Variants in ZDHHC17 observed in about 807,000 individuals in gnomAD.
ZDHHC17 encodes the protein palmitoyltransferase ZDHHC17.
A neutral mutation model predicts 90.3 loss-of-function variants in ZDHHC17; 40 were observed. The observed-to-expected ratio is 0.44, with a 90% confidence interval of 0.34 to 0.58. ZDHHC17 has a LOEUF of 0.58. ZDHHC17 is among the 20% of genes least tolerant of loss of function. The pLI is 0.01. For synonymous variants in ZDHHC17, 235 were observed against 252.4 expected (o/e 0.93, Z 0.65); for missense variants, 614 against 780.8 (o/e 0.79, Z 2.55).
chr12:76,807,295 A>G (rs1316536972), intron 3 of ZDHHC17, among the ~76,000 whole-genome samples: 2 of 152,196 alleles, frequency 1.3e-5, no homozygotes, highest in East Asian at 1.9e-4. Context: ...GCGGGAATAT[A>G]TGCTAGAAAA....
chr12:76,815,742 A>G (rs1391647481), intron 6 of ZDHHC17, 115 bp from the exon 7 acceptor site: 2 of 1,103,840 alleles, frequency 1.8e-6, no homozygotes, highest in African/African-American at 3.3e-5. Context: ...GTAGGTTAGA[A>G]GTGTTCCAAA....
chr12:76,851,689 GTT>G lies in ZDHHC17; in HGVS notation c.*710_*711del, dbSNP rs1219046444. The G allele has an allele frequency of 6.6e-6, 1 of 152,578 alleles. No homozygotes were observed. Among genetic ancestry groups the G allele is most frequent in the Non-Finnish European group, 1.5e-5 (1 of 68,034 alleles). 9.5% of individuals were successfully genotyped at this position (152,578 alleles called of 1,614,324 possible). On this transcript the variant is annotated 3_prime_UTR_variant, in exon 17 of 17. Transcript: ENST00000426126. ...CACTTGCATGAGTATAGTAAGTCAT[GTT>G]TTTTTGTTCAAATTTAAAAGCCCTG... is the stretch of plus-strand genomic sequence containing the variant.
chr12:76,807,814 G>A (rs117124153), intron 3 of ZDHHC17, among the ~76,000 whole-genome samples: 1 of 152,104 alleles, frequency 6.6e-6, no homozygotes, highest in Non-Finnish European at 1.5e-5. Flanking sequence ...TTCTAGTTAC[G>A]ATTTTTAATA....
intron 14 of ZDHHC17, among the ~76,000 whole-genome samples, chr12:76,847,745 C>CTA (rs1232763200): frequency 2.6e-5 from 4 of 152,096 alleles, no homozygotes; most frequent in Non-Finnish European, 4.4e-5. Context: ...GTAGTCCCAG[C>CTA]TACTCAGGTG....
intron 1 of ZDHHC17, among the ~76,000 whole-genome samples, chr12:76,787,118 G>A (rs7137216): frequency 0.017 from 2,537 of 152,240 alleles, 38 homozygotes; most frequent in Middle Eastern, 0.061. Flanking sequence ...TTCCAGAGTC[G>A]TTTTATGTCT....
chr12:76,832,761 A>C (rs2137792336), intron 10 of ZDHHC17, among the ~76,000 whole-genome samples: 1 of 152,020 alleles, frequency 6.6e-6, no homozygotes, highest in South Asian at 2.1e-4. Context: ...TTTAAACGGC[A>C]AAATCTACAC....
At position 76,827,012 on chromosome 12, in the gene ZDHHC17, G is replaced by A. The variant is rs1953237552; in HGVS notation, c.1002G>A (p.Met334Ile). The change falls in exon 9 of 17, where the codon ATG becomes ATA. Residue 334 changes from methionine to isoleucine, a missense_variant. Transcript: ENST00000426126. The stretch of plus-strand genomic sequence containing the variant: ...ATTCTTGGCTCATTAAAGGGCTAAT[G>A]TATGGTGGTGTTTGGGCTACAGTAC... ...NIDSWLIKGLMYGGVWATVQF... is the reference protein window; with the variant it reads ...NIDSWLIKGLIYGGVWATVQF... 1.3e-6 allele frequency: 2 copies of A among 1,566,266 alleles called. No individual in the cohort carries two copies. Among genetic ancestry groups the A allele is most frequent in the African/African-American group, 2.8e-5 (2 of 71,878 alleles).
At chr12:76,802,158 A>G (rs1952899114) in intron 2 of ZDHHC17, among the ~76,000 whole-genome samples, 1 of 152,194 alleles carries the variant, frequency 6.6e-6, no homozygotes, top group South Asian at 2.1e-4. Flanking sequence ...AGATTCTCTC[A>G]GTCATTATTT....
intron 5 of ZDHHC17, among the ~76,000 whole-genome samples, chr12:76,813,953 G>A (rs1953054412): frequency 6.6e-6 from 1 of 152,044 alleles, no homozygotes; most frequent in Non-Finnish European, 1.5e-5. Flanking sequence ...CTAAAGCCAA[G>A]CCTAGAAAAG....
At chr12:76,831,309 T>G (rs1953297908) in intron 10 of ZDHHC17, among the ~76,000 whole-genome samples, 1 of 152,226 alleles carries the variant, frequency 6.6e-6, no homozygotes, top group South Asian at 2.1e-4. Context: ...CACAATTTTT[T>G]TTTGTTTTTA....
chr12:76,813,539 A>C, intron 5 of ZDHHC17: 1 of 288,626 alleles, frequency 3.5e-6, no homozygotes, highest in Admixed American at 5.0e-5. Context: ...ATGCTTAGAT[A>C]ATGTTCACAT....
chr12:76,831,343 T>G lies in ZDHHC17; in HGVS notation c.1141+2853T>G, dbSNP rs1953298707. Among the ~76,000 whole-genome samples, 4 of 151,726 alleles carry G rather than the reference T, an allele frequency of 2.6e-5. No individual in the cohort carries two copies. The South Asian group carries it at 8.3e-4, about 32-fold the overall frequency. On this transcript the variant is annotated intron_variant, in intron 10 of 16. Transcript: ENST00000426126. ...TATTGTCTGTTTTTGTGTTGGGTTT[T>G]GTTTTGTTTTGTTTTGTTTTATTTT...
intron 4 of ZDHHC17, 38 bp from the exon 5 acceptor site, chr12:76,809,675 A>C: frequency 1.5e-6 from 2 of 1,362,120 alleles, no homozygotes; most frequent in Non-Finnish European, 1.9e-6. Context: ...GTTTGAAATA[A>C]CTTTATATAT....
intron 12 of ZDHHC17, chr12:76,845,234 G>A (rs917300110): frequency 6.6e-6 from 1 of 152,076 alleles, no homozygotes; most frequent in Non-Finnish European, 1.5e-5. Flanking sequence ...TTTTATTGAT[G>A]ATTTTGAATT....
chr12:76,840,908 A>G (rs1421004453), intron 10 of ZDHHC17: 1 of 152,182 alleles, frequency 6.6e-6, no homozygotes, highest in African/African-American at 2.4e-5. Context: ...GTGATAAATA[A>G]AAGTGCTGCC....
intron 7 of ZDHHC17, among the ~76,000 whole-genome samples, chr12:76,816,938 GTCT>G (rs1403529533): frequency 9.9e-5 from 15 of 151,934 alleles, no homozygotes; most frequent in Non-Finnish European, 1.9e-4. Context: ...AAAATTTCAA[GTCT>G]TCTTGTCCCT....
At chr12:76,793,176 A>G (rs912056249) in intron 1 of ZDHHC17, among the ~76,000 whole-genome samples, 3 of 152,244 alleles carry the variant, frequency 2.0e-5, no homozygotes, top group Non-Finnish European at 4.4e-5. Flanking sequence ...TAATTTGCTT[A>G]AAGTTTTTAA....
chr12:76,806,928 A>C (rs1279761425), intron 3 of ZDHHC17, among the ~76,000 whole-genome samples: 5 of 152,206 alleles, frequency 3.3e-5, no homozygotes, highest in Non-Finnish European at 5.9e-5. Context: ...GAATTGCTAC[A>C]TTTTCAGTGC....
rs1311779308 is a variant in ZDHHC17 at position 76,842,120 on chromosome 12, AACTAAGTC to A, written c.1266+18_1266+25del. 3 of 1,548,974 alleles carry A rather than the reference AACTAAGTC, an allele frequency of 1.9e-6. No homozygotes were observed. In the South Asian group the frequency reaches 3.7e-5, roughly 19 times the overall value. ...CAAAAGAAAAAGGTAGCAAAATACC[AACTAAGTC>A]ACTTGTATTTAACTGCCAGATTATC... On this transcript the variant is annotated intron_variant, in intron 11 of 16. Transcript: ENST00000426126.
Sources: gnomAD v4.1 joint callset for allele counts (sites outside exome capture counted in the v4.1 genomes callset) on GRCh38, gnomAD v4.1.1 for gene constraint, MANE v1.5 for transcripts, NCBI Gene and HGNC (gene_info 2026-07-23, HGNC 2026-07-21) for gene names.